The following C7 variants were observed in gnomAD, a reference collection of about 807,000 sequenced individuals.
C7 encodes the protein complement component C7.
A neutral mutation model predicts 104.8 loss-of-function variants in C7; 83 were observed. The ratio of observed to expected loss-of-function variants is 0.79; its 90% CI spans 0.66 to 0.95. C7 has a LOEUF of 0.95. Ranked by LOEUF, C7 falls within the 40% of genes least tolerant of loss-of-function variation. The pLI is 0.00. For missense variants in C7, 1,070 were observed against 1,011.2 expected, an observed-to-expected ratio of 1.06 and a Z score of -0.79; for synonymous variants, 415 against 360.6, an observed-to-expected ratio of 1.15 and a Z score of -1.71.
intron 14 of C7, among the ~76,000 whole-genome samples, chr5:40,968,577 T>C (rs1221635951): frequency 1.8e-5 from 1 of 56,770 alleles, no homozygotes; most frequent in African/African-American, 6.0e-5. Context: ...TTTATATATA[T>C]ATATATATAT....
At chr5:40,929,392 T>C (rs1739628581) in intron 2 of C7, among the ~76,000 whole-genome samples, 1 of 152,124 alleles carries the variant, frequency 6.6e-6, no homozygotes, top group African/African-American at 2.4e-5. Flanking sequence ...AAAATAACAG[T>C]AAGTTCAGAT....
intron 1 of C7, among the ~76,000 whole-genome samples, chr5:40,920,902 C>T (rs1341932022): frequency 6.6e-6 from 1 of 151,970 alleles, no homozygotes; most frequent in Non-Finnish European, 1.5e-5. Context: ...TACAAAACTT[C>T]ACTGGGCGTG....
intron 1 of C7, among the ~76,000 whole-genome samples, chr5:40,921,928 C>T (rs781052992): frequency 1.3e-5 from 2 of 151,904 alleles, no homozygotes; most frequent in Non-Finnish European, 2.9e-5. Context: ...ATCCCAGCTA[C>T]TCAGGAGACT....
intron 1 of C7, among the ~76,000 whole-genome samples, chr5:40,917,411 A>G (rs994261398): frequency 1.2e-4 from 19 of 152,164 alleles, no homozygotes; most frequent in African/African-American, 3.9e-4. Flanking sequence ...TTCACTTAAC[A>G]TAATGTTATC....
At position 40,912,527 on chromosome 5, in the gene C7, C is replaced by T. The variant is rs10041802; in HGVS notation, c.6+2911C>T. On this transcript the variant is annotated intron_variant, in intron 1 of 17. Transcript: ENST00000313164. ...CTGAGTAGCTGGGACTACAGGTGCC[C>T]GCCACCATGCCTGGCTAATTTTTGT... Among the ~76,000 whole-genome samples the T allele has an allele frequency of 7.6e-3, 1,135 of 150,050 alleles. 17 individuals carry two copies. The highest frequency in any genetic ancestry group is 0.027 in the African/African-American group (1,086 of 39,788).
In C7 at chr5:40,964,865, A is replaced by G. The variant is rs1014904462; in HGVS notation, c.1874A>G (p.His625Arg). 3.7e-6 allele frequency: 6 copies of G among 1,613,544 alleles called. No homozygotes were observed. The highest frequency in any genetic ancestry group is 2.2e-5 in the East Asian group (1 of 44,886). The change falls in exon 14 of 18, where the codon CAT (histidine) becomes CGT (arginine). Residue 625 changes from histidine (H) to arginine (R), a missense_variant. His to Arg is a conservative substitution (Grantham distance 29). Coordinates refer to ENST00000313164, the MANE Select transcript of C7 (RefSeq NM_000587.4). Reference protein sequence around the residue: ...EDLRWLVGEMHCQKIACVLPV... With the variant: ...EDLRWLVGEMRCQKIACVLPV... ...TTACGGTGGCTTGTTGGGGAAATGC[A>G]TTGTCAGAGTGAGTGGCGTCAGTTG...
At chr5:40,942,132 G>A (rs1739953524) in intron 6 of C7, among the ~76,000 whole-genome samples, 1 of 152,212 alleles carries the variant, frequency 6.6e-6, no homozygotes. Flanking sequence ...TCAGACCATT[G>A]TAAGCGGAAG....
intron 2 of C7, among the ~76,000 whole-genome samples, chr5:40,928,943 G>A (rs570309683): frequency 1.3e-5 from 2 of 152,064 alleles, no homozygotes; most frequent in Non-Finnish European, 2.9e-5. Flanking sequence ...ATATATCTTA[G>A]AGCAATATTT....
chr5:40,913,416 A>C (rs930713265), intron 1 of C7, among the ~76,000 whole-genome samples: 1 of 152,070 alleles, frequency 6.6e-6, no homozygotes, highest in Non-Finnish European at 1.5e-5. Flanking sequence ...TTACATTCCC[A>C]CCAATAGTAT....
chr5:40,920,825 G>A (rs1421216958), intron 1 of C7, among the ~76,000 whole-genome samples: 2 of 152,132 alleles, frequency 1.3e-5, no homozygotes, highest in African/African-American at 2.4e-5. Context: ...AAGGAGGGTG[G>A]ATCACCTGAG....
intron 4 of C7, among the ~76,000 whole-genome samples, chr5:40,936,118 T>C (rs542442869): frequency 6.6e-6 from 1 of 152,294 alleles, no homozygotes; most frequent in East Asian, 1.9e-4. Flanking sequence ...GATCCTATTT[T>C]CAATTTTGTG....
intron 17 of C7, among the ~76,000 whole-genome samples, chr5:40,980,718 T>C (rs1740924600): frequency 6.6e-6 from 1 of 152,220 alleles, no homozygotes; most frequent in Non-Finnish European, 1.5e-5. Context: ...CTCTTCACTC[T>C]CTGCCCTCCT....
chr5:40,922,070 AAAC>A (rs940041540), intron 1 of C7, among the ~76,000 whole-genome samples: 7 of 148,356 alleles, frequency 4.7e-5, no homozygotes, highest in African/African-American at 1.8e-4. Flanking sequence ...AAACAAACAA[AAAC>A]AACAACAAAA....
intron 1 of C7, among the ~76,000 whole-genome samples, chr5:40,919,660 TA>T (rs1739398973): frequency 6.6e-6 from 1 of 151,864 alleles, no homozygotes; most frequent in South Asian, 2.1e-4. Flanking sequence ...TGAATGAATA[TA>T]GGGGGAATTT....
intron 1 of C7, among the ~76,000 whole-genome samples, chr5:40,927,988 G>A (rs1021164632): frequency 2.6e-5 from 4 of 152,182 alleles, no homozygotes; most frequent in East Asian, 1.9e-4. Flanking sequence ...ATTCACAATA[G>A]CCAAGTTATA....
At chr5:40,963,804 G>A (rs938912317) in intron 13 of C7, among the ~76,000 whole-genome samples, 7 of 152,052 alleles carry the variant, frequency 4.6e-5, no homozygotes, top group Non-Finnish European at 8.8e-5. Flanking sequence ...TTAGTGAAAC[G>A]TTCTTGAATC....
chr5:40,920,450 A>G (rs1739415106), intron 1 of C7, among the ~76,000 whole-genome samples: 1 of 151,916 alleles, frequency 6.6e-6, no homozygotes, highest in Non-Finnish European at 1.5e-5. Context: ...CATACAACAT[A>G]CAAAGACTGA....
chr5:40,959,414 A>G, intron 11 of C7, 35 bp from the exon 12 acceptor site: 1 of 1,585,960 alleles, frequency 6.3e-7, no homozygotes, highest in Non-Finnish European at 8.6e-7. Flanking sequence ...GCCCTCTTTA[A>G]GAACTTATTG....
At chr5:40,958,714 G>A (rs1740356165) in intron 11 of C7, among the ~76,000 whole-genome samples, 1 of 152,092 alleles carries the variant, frequency 6.6e-6, no homozygotes, top group Non-Finnish European at 1.5e-5. Context: ...CGGTGTATAT[G>A]GTGCTTCAAG....
Sources: gnomAD v4.1 joint callset for allele counts (sites outside exome capture counted in the v4.1 genomes callset) on GRCh38, gnomAD v4.1.1 for gene constraint, MANE v1.5 for transcripts, NCBI Gene and HGNC (gene_info 2026-07-23, HGNC 2026-07-21) for gene names.